The following PSIP1 variants were observed in gnomAD, a reference collection of about 807,000 sequenced individuals.
PSIP1 encodes PC4 and SRSF1 interacting protein 1.
PSIP1 carries 19 observed loss-of-function variants against 74.7 expected under a neutral mutation model. The observed-to-expected ratio is 0.25, with a 90% CI of 0.18 to 0.37. The LOEUF (loss-of-function observed/expected upper bound fraction) is 0.37, where lower values mean the gene tolerates loss of function less well. PSIP1 is among the 10% of genes least tolerant of loss of function. PSIP1 has a pLI of 1.00. For missense variants in PSIP1, 601 were observed against 614.3 expected (o/e 0.98, Z 0.23); for synonymous variants, 222 against 195.3 (o/e 1.14, Z -1.14).
chr9:15,500,642 CACT>C (rs1441401212), intron 3 of PSIP1, among the ~76,000 whole-genome samples: 1 of 152,068 alleles, frequency 6.6e-6, no homozygotes, highest in Non-Finnish European at 1.5e-5. Context: ...TTCTTGTCAC[CACT>C]ATCAGTACCT....
intron 8 of PSIP1, 106 bp from the exon 9 acceptor site, chr9:15,474,343 A>T (rs1315932335): frequency 2.9e-5 from 27 of 944,208 alleles, no homozygotes; most frequent in Non-Finnish European, 4.6e-6. Flanking sequence ...AAAACAAAGT[A>T]AAAAGAGTGT....
chr9:15,500,625 T>C (rs907022568), intron 3 of PSIP1, among the ~76,000 whole-genome samples: 5 of 152,206 alleles, frequency 3.3e-5, no homozygotes, highest in African/African-American at 1.2e-4. Context: ...TTCATTACTT[T>C]ATTTTCTTCT....
At chr9:15,469,392 T>C (rs2035748087) in intron 11 of PSIP1, 56 bp from the exon 12 acceptor site, 1 of 1,071,824 alleles carries the variant, frequency 9.3e-7, no homozygotes, top group South Asian at 1.5e-5. Context: ...CCAGTATTTC[T>C]ATATACAGGC....
At chr9:15,491,561 T>C (rs192433557) in intron 3 of PSIP1, among the ~76,000 whole-genome samples, 26 of 152,150 alleles carry the variant, frequency 1.7e-4, no homozygotes, top group African/African-American at 6.0e-4. Flanking sequence ...TGTGTACATA[T>C]ATACACAGAT....
At chr9:15,501,047 A>C (rs2037319528) in intron 3 of PSIP1, among the ~76,000 whole-genome samples, 1 of 152,188 alleles carries the variant, frequency 6.6e-6, no homozygotes, top group Non-Finnish European at 1.5e-5. Context: ...TATTCATGTC[A>C]TGTCTTATTT....
At chr9:15,467,610 C>T (rs752319590) in intron 14 of PSIP1, among the ~76,000 whole-genome samples, 1 of 152,124 alleles carries the variant, frequency 6.6e-6, no homozygotes, top group Non-Finnish European at 1.5e-5. Flanking sequence ...GCTACAAAAG[C>T]ACAATGATCA....
intron 3 of PSIP1, among the ~76,000 whole-genome samples, chr9:15,493,544 T>C (rs1027707957): frequency 2.0e-5 from 3 of 152,148 alleles, no homozygotes; most frequent in Non-Finnish European, 4.4e-5. Flanking sequence ...CTGGTACCAA[T>C]TTACCATATT....
chr9:15,494,099 T>C (rs2036962367), intron 3 of PSIP1, among the ~76,000 whole-genome samples: 1 of 152,202 alleles, frequency 6.6e-6, no homozygotes, highest in African/African-American at 2.4e-5. Flanking sequence ...CTGATACTTA[T>C]TTCCTCTAAA....
At chr9:15,507,279 A>G (rs1477995336) in intron 2 of PSIP1, among the ~76,000 whole-genome samples, 1 of 152,220 alleles carries the variant, frequency 6.6e-6, no homozygotes, top group East Asian at 1.9e-4. Context: ...TAATATATCC[A>G]TAATACTTGT....
intron 3 of PSIP1, among the ~76,000 whole-genome samples, chr9:15,501,490 C>T (rs543342423): frequency 4.7e-4 from 71 of 152,046 alleles, no homozygotes; most frequent in African/African-American, 1.4e-3. Context: ...TATCCGAAGG[C>T]ATAACCTTCC....
At position 15,478,459 on chromosome 9, in the gene PSIP1, C is replaced by T. The variant is rs1426712640; in HGVS notation, c.629+18G>A. 2 of 1,529,656 alleles carry T rather than the reference C, an allele frequency of 1.3e-6. No individual in the cohort carries two copies. Among genetic ancestry groups the T allele is most frequent in the African/African-American group, 2.7e-5 (2 of 72,908 alleles). The allele number at this position is 1,529,656 out of a possible 1,614,324, so 94.8% of individuals were successfully genotyped here. On this transcript the variant is annotated intron_variant, in intron 8 of 15. Transcript: ENST00000380733. ...ATGTCTCATTTATTGCATAATTATA[C>T]ATTAAAAATAAACTCACATGTCACT...
At chr9:15,474,703 A>G (rs1013121796) in intron 8 of PSIP1, among the ~76,000 whole-genome samples, 1 of 152,176 alleles carries the variant, frequency 6.6e-6, no homozygotes, top group African/African-American at 2.4e-5. Context: ...AACAAGAGAA[A>G]CTACCTAAAC....
At chr9:15,501,382 A>C (rs571090889) in intron 3 of PSIP1, among the ~76,000 whole-genome samples, 4 of 149,034 alleles carry the variant, frequency 2.7e-5, no homozygotes, top group South Asian at 2.1e-4. Flanking sequence ...GTGGGTGAAA[A>C]AAAGAGAAAA....
chr9:15,510,222 G>GGAGGCGGCGAGGAGAT lies in PSIP1; in HGVS notation c.-50_-35dup, dbSNP rs1563906236. Reference sequence around the variant, plus strand: ...GGCGAGACCGGGGGTCCGAAGCCCGGGAGGCGGCGAGGAGATGCGGCGGCG... The same window carrying GGAGGCGGCGAGGAGAT: ...GGCGAGACCGGGGGTCCGAAGCCCGGGAGGCGGCGAGGAGATGAGGCGGCGAGGAGATGCGGCGGCG... On this transcript the variant is annotated 5_prime_UTR_variant, in exon 2 of 16. Coordinates refer to ENST00000380733, the MANE Select transcript of PSIP1 (RefSeq NM_033222.5). 2.5e-6 allele frequency: 4 copies of GGAGGCGGCGAGGAGAT among 1,589,294 alleles called. No homozygotes were observed. Among genetic ancestry groups the GGAGGCGGCGAGGAGAT allele is most frequent in the Admixed American group, 1.7e-5 (1 of 58,016 alleles).
intron 3 of PSIP1, among the ~76,000 whole-genome samples, chr9:15,502,088 T>C (rs1010733427): frequency 2.0e-5 from 3 of 152,018 alleles, no homozygotes; most frequent in African/African-American, 7.3e-5. Context: ...TGAGTGCTCC[T>C]TATAAGAATC....
intron 8 of PSIP1, among the ~76,000 whole-genome samples, chr9:15,476,609 A>C (rs2036092369): frequency 6.6e-6 from 1 of 152,218 alleles, no homozygotes; most frequent in Admixed American, 6.5e-5. Flanking sequence ...ATTGGACTTC[A>C]TTAATCCTTC....
rs1030110753 is a variant in PSIP1, at chr9:15,464,741, A to G, written c.*779T>C. 12 of 204,534 alleles carry G rather than the reference A, an allele frequency of 5.9e-5. No individual in the cohort carries two copies. The South Asian group carries it at 9.4e-4, about 16-fold the overall frequency. The allele number at this position is 204,534 out of a possible 1,614,324, so 12.7% of individuals were successfully genotyped here. On this transcript the variant is annotated 3_prime_UTR_variant, in exon 16 of 16. Transcript: ENST00000380733. ...GTTTTAGTTACTAGTGCCTGCCTATAAAAGGACCTTAAATGATTTAACCCT... is the reference window on the plus strand; with the variant it reads ...GTTTTAGTTACTAGTGCCTGCCTATGAAAGGACCTTAAATGATTTAACCCT...
chr9:15,503,323 T>A lies in PSIP1; in HGVS notation c.149+3238A>T, dbSNP rs1055081809. Among the ~76,000 whole-genome samples the A allele has an allele frequency of 1.6e-4, 24 of 151,690 alleles. 1 individual carries two copies. Among genetic ancestry groups the A allele is most frequent in the South Asian group, 8.3e-4 (4 of 4,800 alleles). Reference sequence around the variant, plus strand: ...TGGAGGTTGCAATGAGCCGAGATGGTGCCACTGCACTCCAGCCTGGGCAAC... The same window carrying A: ...TGGAGGTTGCAATGAGCCGAGATGGAGCCACTGCACTCCAGCCTGGGCAAC... On this transcript the variant is annotated intron_variant, in intron 3 of 15. Transcript: ENST00000380733.
chr9:15,476,693 A>G (rs983183818), intron 8 of PSIP1, among the ~76,000 whole-genome samples: 3 of 152,200 alleles, frequency 2.0e-5, no homozygotes, highest in Non-Finnish European at 4.4e-5. Flanking sequence ...TATTAAATAT[A>G]AAAAGACGAG....
Sources: gnomAD v4.1 joint callset for allele counts (sites outside exome capture counted in the v4.1 genomes callset) on GRCh38, gnomAD v4.1.1 for gene constraint, MANE v1.5 for transcripts, NCBI Gene and HGNC (gene_info 2026-07-23, HGNC 2026-07-21) for gene names.